The following TAF1 variants were observed in gnomAD, a reference collection of about 807,000 sequenced individuals.
The protein encoded by TAF1 is transcription initiation factor TFIID subunit 1.
Under a neutral mutation model 138.5 loss-of-function variants are expected in TAF1, and 2 were observed. The observed-to-expected ratio is 0.01, with a 90% CI of 0.01 to 0.05. The LOEUF is 0.05. Ranked by LOEUF, TAF1 falls within the 10% of genes least tolerant of loss-of-function variation. The probability of loss-of-function intolerance (pLI) is 1.00; values close to 1 mark genes in which losing one functional copy is unlikely to be tolerated. For missense variants in TAF1, 709 were observed against 1,478.0 expected (o/e 0.48, Z 8.53); for synonymous variants, 437 against 503.2 (o/e 0.87, Z 1.76).
intron 32 of TAF1, among the ~76,000 whole-genome samples, chrX:71,450,978 G>C (rs5981114): frequency 0.017 from 1,905 of 111,879 alleles, 42 homozygotes; most frequent in African/African-American, 0.058. Context: ...TGCCTTGTGG[G>C]AAAGCTGACT....
intron 34 of TAF1, among the ~76,000 whole-genome samples, chrX:71,456,361 A>G (rs774458565): frequency 9.8e-5 from 11 of 111,804 alleles, no homozygotes; most frequent in African/African-American, 3.2e-4. Flanking sequence ...AGGGTTTCCT[A>G]TGAAGAGTAG....
At chrX:71,469,079 G>T (rs889353137), downstream of TAF1, among the ~76,000 whole-genome samples, 1 of 112,660 alleles carries the variant, frequency 8.9e-6, no homozygotes, top group African/African-American at 3.2e-5. Context: ...AAGGCGGGAG[G>T]ATGGCTTGAG....
intron 13 of TAF1, among the ~76,000 whole-genome samples, chrX:71,507,947 C>T (rs756192596): frequency 3.8e-4 from 41 of 108,694 alleles, no homozygotes; most frequent in African/African-American, 1.4e-3. Context: ...CGAGATGGCA[C>T]CACTGCACTC....
intron 34 of TAF1, among the ~76,000 whole-genome samples, chrX:71,455,689 T>C (rs1338492587): frequency 8.9e-6 from 1 of 112,542 alleles, no homozygotes; most frequent in Non-Finnish European, 1.9e-5. Flanking sequence ...TCAAGATTGT[T>C]GTAAACATTA....
chrX:71,373,167 C>CTTT (rs1388371317), intron 3 of TAF1, among the ~76,000 whole-genome samples: 2 of 90,522 alleles, frequency 2.2e-5, no homozygotes. Context: ...TGCCTGGCCA[C>CTTT]TTTTTTTTTT....
intron 13 of TAF1, among the ~76,000 whole-genome samples, chrX:71,477,400 C>G (rs1473915293): frequency 1.8e-5 from 2 of 110,660 alleles, no homozygotes; most frequent in Non-Finnish European, 3.8e-5. Context: ...AATTGATCCT[C>G]CCATCTCAGC....
chrX:71,389,502 C>G, intron 17 of TAF1, 83 bp from the exon 18 acceptor site: 1 of 780,844 alleles, frequency 1.3e-6, no homozygotes, highest in East Asian at 3.2e-5. Context: ...CTTTGGTATT[C>G]TGTACTTGTA....
intron 13 of TAF1, among the ~76,000 whole-genome samples, chrX:71,471,390 A>AT (rs2038886120): frequency 1.9e-5 from 2 of 106,763 alleles, no homozygotes; most frequent in Non-Finnish European, 3.9e-5. Context: ...GAACCCAGAT[A>AT]TATATTATGC....
intron 21 of TAF1, 122 bp from the exon 22 acceptor site, chrX:71,393,945 A>C: frequency 3.4e-5 from 23 of 678,194 alleles, no homozygotes; most frequent in Non-Finnish European, 4.2e-5. Flanking sequence ...CTTTTCTGTT[A>C]AGGGCCCCAT....
At chrX:71,410,602 C>T (rs1476219364) in intron 28 of TAF1, among the ~76,000 whole-genome samples, 3 of 108,232 alleles carry the variant, frequency 2.8e-5, no homozygotes, top group Admixed American at 1.0e-4. Context: ...GGACTACAGG[C>T]GCCAGCCACC....
chrX:71,495,027 A>G (rs906977576), intron 13 of TAF1, among the ~76,000 whole-genome samples: 2 of 111,753 alleles, frequency 1.8e-5, no homozygotes, highest in Non-Finnish European at 3.8e-5. Context: ...CTCTAGCTAG[A>G]CAGAAAAGTT....
chrX:71,446,658 T>G (rs921653016), intron 32 of TAF1, among the ~76,000 whole-genome samples: 1 of 112,387 alleles, frequency 8.9e-6, no homozygotes, highest in Non-Finnish European at 1.9e-5. Context: ...TCTGTTCATT[T>G]ATATATTTTT....
At chrX:71,497,271 G>A (rs1029072311) in intron 13 of TAF1, among the ~76,000 whole-genome samples, 1 of 111,841 alleles carries the variant, frequency 8.9e-6, no homozygotes, top group Non-Finnish European at 1.9e-5. Flanking sequence ...ATAATTTATT[G>A]GCAGTCATGC....
In TAF1 at chrX:71,493,372, C is replaced by A. The variant is rs149943292; in HGVS notation, c.1366+32569C>A. ...TGTCTCCAAGCAAACACGCTCTAGC[C>A]CTTATGAAATGTGCTCTCTGTAGCT... On this transcript the variant is annotated intron_variant and NMD_transcript_variant, in intron 13 of 14. Coordinates refer to the TAF1 transcript ENST00000373775. Among the ~76,000 whole-genome samples the A allele has an allele frequency of 9.8e-3, 1,099 of 112,133 alleles. 10 individuals are homozygous for A. The highest frequency in any genetic ancestry group is 0.033 in the African/African-American group (1,015 of 30,877).
intron 14 of TAF1, chrX:71,387,050 A>G: frequency 2.4e-6 from 1 of 417,054 alleles, no homozygotes; most frequent in Non-Finnish European, 4.1e-6. Context: ...CACATCCTGT[A>G]TTTTCTCCCC....
At chrX:71,519,846 C>T (rs1026161112) in intron 13 of TAF1, among the ~76,000 whole-genome samples, 9 of 110,275 alleles carry the variant, frequency 8.2e-5, no homozygotes, top group African/African-American at 3.0e-4. Flanking sequence ...AGCTCTGTCA[C>T]CCAGGCCGGA....
intron 32 of TAF1, among the ~76,000 whole-genome samples, chrX:71,453,383 ACC>A (rs112941031): frequency 2.4e-5 from 1 of 42,062 alleles, no homozygotes; most frequent in African/African-American, 7.1e-5. Flanking sequence ...ACATAGTGAG[ACC>A]CCCCCCCCAC....
At chrX:71,525,471 C>T (rs1471860064) in intron 13 of TAF1, among the ~76,000 whole-genome samples, 1 of 111,767 alleles carries the variant, frequency 8.9e-6, no homozygotes, top group Non-Finnish European at 1.9e-5. Context: ...GAAACATCTT[C>T]TAAACAAGGC....
chrX:71,373,869 T>G (rs1289025690), intron 3 of TAF1, among the ~76,000 whole-genome samples: 2 of 109,989 alleles, frequency 1.8e-5, no homozygotes, highest in African/African-American at 6.6e-5. Flanking sequence ...AGATGACAGA[T>G]AGAAAAAGTG....
Sources: allele counts gnomAD v4.1 joint callset (sites outside exome capture counted in the v4.1 genomes callset), GRCh38; gene constraint gnomAD v4.1.1; transcripts MANE v1.5; gene names NCBI Gene and HGNC (gene_info 2026-07-23, HGNC 2026-07-21).